Variants in BAZ1A observed in about 807,000 individuals in gnomAD.
BAZ1A encodes bromodomain adjacent to zinc finger domain protein 1A.
BAZ1A carries 50 observed loss-of-function variants against 185.2 expected under a neutral mutation model. The ratio of observed to expected loss-of-function variants is 0.27; its 90% confidence interval spans 0.22 to 0.34. BAZ1A has a LOEUF of 0.34. Ranked by LOEUF, BAZ1A falls within the 10% of genes least tolerant of loss-of-function variation. BAZ1A has a pLI of 1.00. For synonymous variants in BAZ1A, 571 were observed against 615.6 expected (o/e 0.93, Z 1.07); for missense variants, 1,356 against 1,839.9 (o/e 0.74, Z 4.81).
rs1387897875 is a variant in BAZ1A at position 34,875,137 on chromosome 14, C to T, written c.-59+1G>A. The T allele has an allele frequency of 2.5e-6, 1 of 400,050 alleles. No homozygotes were observed. The highest frequency in any genetic ancestry group is 5.1e-6 in the Non-Finnish European group (1 of 197,610). 24.8% of individuals were successfully genotyped at this position (400,050 alleles called of 1,614,324 possible). A position where few individuals can be genotyped will look rare whatever the true frequency, so the allele number is the denominator to read the frequency against. The stretch of plus-strand genomic sequence containing the variant: ...CCGGCCGGCTCCCGAGCGACCCTCA[C>T]CTGCGATCACGCCGACTGCCACTTG... On this transcript the variant is annotated splice_donor_variant, in intron 1 of 26. Transcript: ENST00000360310. LOFTEE classifies it low-confidence loss of function (5UTR_SPLICE).
At position 34,762,211 on chromosome 14, in the gene BAZ1A, T is replaced by C; in HGVS notation, c.3789A>G (p.Arg1263=). 3.7e-6 allele frequency: 6 copies of C among 1,613,968 alleles called. No individual in the cohort carries two copies. The highest frequency in any genetic ancestry group is 5.1e-6 in the Non-Finnish European group (6 of 1,179,934). ...CTGGCAATCTAACTTGTGGTCTTCCTCGTTTGGGTAGGCTATAAATATTGT... is the reference window on the plus strand; with the variant it reads ...CTGGCAATCTAACTTGTGGTCTTCCCCGTTTGGGTAGGCTATAAATATTGT... The part of the protein sequence containing the change: ...QEEEEVSLPK[R]GRPQVRLPVK... Residue 1263 remains arginine (R), a synonymous_variant, in exon 24 of 27, where the codon CGA becomes CGG. Transcript: ENST00000360310.
chr14:34,756,652 G>A (rs768042980), intron 25 of BAZ1A, among the ~76,000 whole-genome samples: 191 of 151,748 alleles, frequency 1.3e-3, no homozygotes, highest in Middle Eastern at 3.4e-3. Flanking sequence ...TTTTAGTAGA[G>A]ATGGGGTTTT....
chr14:34,767,124 A>G (rs1295114552), intron 21 of BAZ1A, among the ~76,000 whole-genome samples: 1 of 152,218 alleles, frequency 6.6e-6, no homozygotes, highest in African/African-American at 2.4e-5. Context: ...ATATTTTTCC[A>G]TCTTTATCTA....
intron 2 of BAZ1A, among the ~76,000 whole-genome samples, chr14:34,863,783 G>A (rs1364872187): frequency 6.6e-6 from 1 of 152,116 alleles, no homozygotes; most frequent in East Asian, 1.9e-4. Context: ...GAGAAAGGAG[G>A]GGAGACTGGG....
rs1028496959 is a variant in BAZ1A, at chr14:34,753,347, T to A, written c.*161A>T. On this transcript the variant is annotated 3_prime_UTR_variant, in exon 27 of 27. Transcript: ENST00000360310. ...ACAAAACTGTAGCAAAGGATATCTTTCCTACATTCTCCTGAGTGCTTAATA... is the reference window on the plus strand; with the variant it reads ...ACAAAACTGTAGCAAAGGATATCTTACCTACATTCTCCTGAGTGCTTAATA... 2 of 679,930 alleles carry A rather than the reference T, an allele frequency of 2.9e-6. No individual in the cohort carries two copies. The highest frequency in any genetic ancestry group is 4.9e-6 in the Non-Finnish European group (2 of 409,490). 42.1% of individuals were successfully genotyped at this position (679,930 alleles called of 1,614,324 possible). A position where few individuals can be genotyped will look rare whatever the true frequency, so the allele number is the denominator to read the frequency against.
At chr14:34,842,173 T>C (rs1388620896) in intron 3 of BAZ1A, among the ~76,000 whole-genome samples, 1 of 152,112 alleles carries the variant, frequency 6.6e-6, no homozygotes, top group African/African-American at 2.4e-5. Flanking sequence ...GTGTGTACTT[T>C]AAAGTACTAA....
In BAZ1A at chr14:34,844,991, C is replaced by T. The variant is rs567254096; in HGVS notation, c.392+17053G>A. On this transcript the variant is annotated intron_variant, in intron 3 of 26. Coordinates refer to ENST00000360310, the MANE Select transcript of BAZ1A (RefSeq NM_013448.3). ...AATACAGCCATATTCATTCATTTAT[C>T]TATTATATATGACTACTTTTGCATT... Among the ~76,000 whole-genome samples the T allele has an allele frequency of 2.6e-5, 4 of 152,136 alleles. 1 individual carries two copies. The highest frequency in any genetic ancestry group is 9.6e-5 in the African/African-American group (4 of 41,532).
chr14:34,771,259 A>C (rs879030265), intron 21 of BAZ1A: 1 of 323,590 alleles, frequency 3.1e-6, no homozygotes, highest in East Asian at 6.1e-5. Flanking sequence ...TCAGCCTCCC[A>C]AAGTGTTGGG....
chr14:34,801,165 A>G lies in BAZ1A; in HGVS notation c.890T>C (p.Leu297Pro), dbSNP rs779558233. 4.4e-5 allele frequency: 71 copies of G among 1,607,410 alleles called. No homozygotes were observed. The highest frequency in any genetic ancestry group is 5.8e-5 in the Non-Finnish European group (68 of 1,178,008). ...AGTAGCTTTGCTCCTATAACTTGCAAGAGTCTGTTTATTAGCAACATTGTC... is the reference window on the plus strand; with the variant it reads ...AGTAGCTTTGCTCCTATAACTTGCAGGAGTCTGTTTATTAGCAACATTGTC... Reference protein sequence around the residue: ...QEDNVANKQTLASYRSKATKE... With the variant: ...QEDNVANKQTPASYRSKATKE... The change falls in exon 8 of 27, where the codon CTT becomes CCT. Residue 297 changes from leucine (L) to proline (P), a missense_variant. Coordinates refer to ENST00000360310, the MANE Select transcript of BAZ1A (RefSeq NM_013448.3).
At position 34,795,749 on chromosome 14, in the gene BAZ1A, C is replaced by T. The variant is rs767097767; in HGVS notation, c.1145G>A (p.Arg382His). Residue 382 changes from arginine to histidine, a missense_variant, in exon 10 of 27, where the codon CGT (arginine) becomes CAT (histidine). By Grantham distance (29) the Arg-to-His change is conservative (BLOSUM62 0). Coordinates refer to ENST00000360310, the MANE Select transcript of BAZ1A (RefSeq NM_013448.3). ...TTCCACATACTTTCGCTTTTCTTCA[C>T]GTAACTTCTCTCTTTCCTAGAAATT... The part of the protein sequence containing the change: ...VEREKEREKL[R>H]EEKRKYVEYL... The T allele has an allele frequency of 2.5e-6, 4 of 1,611,336 alleles. No individual in the cohort carries two copies. Among genetic ancestry groups the T allele is most frequent in the Non-Finnish European group, 3.4e-6 (4 of 1,179,166 alleles).
intron 26 of BAZ1A, among the ~76,000 whole-genome samples, chr14:34,754,135 C>G (rs1183054487): frequency 6.6e-6 from 1 of 150,780 alleles, no homozygotes; most frequent in Admixed American, 6.6e-5. Context: ...ATCTGTAATC[C>G]CAGCTACTCG....
intron 3 of BAZ1A, among the ~76,000 whole-genome samples, chr14:34,846,596 CCATTTT>C (rs1366574352): frequency 6.6e-6 from 1 of 152,144 alleles, no homozygotes; most frequent in African/African-American, 2.4e-5. Flanking sequence ...GAGTCATTTT[CCATTTT>C]CATTTGTTTT....
intron 4 of BAZ1A, among the ~76,000 whole-genome samples, chr14:34,820,125 T>TTTTG (rs2042065109): frequency 1.5e-5 from 2 of 132,508 alleles, no homozygotes; most frequent in African/African-American, 5.8e-5. Context: ...GTTCCTCGTT[T>TTTTG]TTTTTTTTTT....
intron 24 of BAZ1A, among the ~76,000 whole-genome samples, chr14:34,760,265 A>G (rs1287493100): frequency 1.2e-4 from 18 of 152,124 alleles, no homozygotes; most frequent in Non-Finnish European, 8.8e-5. Context: ...TATTTCTCCA[A>G]ACAGCTTGGA....
intron 3 of BAZ1A, among the ~76,000 whole-genome samples, chr14:34,829,418 A>T (rs887302522): frequency 6.6e-6 from 1 of 152,136 alleles, no homozygotes; most frequent in African/African-American, 2.4e-5. Context: ...ATAAAAATAA[A>T]AAAAAAGACC....
In BAZ1A at chr14:34,754,820, T is replaced by C. The variant is rs776681354; in HGVS notation, c.4474+7A>G. 1 of 1,528,902 alleles carries C rather than the reference T, an allele frequency of 6.5e-7. No individual in the cohort carries two copies. 94.7% of individuals were successfully genotyped at this position (1,528,902 alleles called of 1,614,324 possible). On this transcript the variant is annotated splice_region_variant and intron_variant, in intron 26 of 26. Coordinates refer to ENST00000360310, the MANE Select transcript of BAZ1A (RefSeq NM_013448.3). ...ATAAATATCAAAGAAAAACATAAATTACTTACATGCTAATTTATATTCACA... is the reference window on the plus strand; with the variant it reads ...ATAAATATCAAAGAAAAACATAAATCACTTACATGCTAATTTATATTCACA...
In BAZ1A at chr14:34,753,429, G is replaced by A. The variant is rs749622261; in HGVS notation, c.*79C>T. On this transcript the variant is annotated 3_prime_UTR_variant, in exon 27 of 27. Coordinates refer to ENST00000360310, the MANE Select transcript of BAZ1A (RefSeq NM_013448.3). Reference sequence around the variant, plus strand: ...TTCATGTGGTCAATCAATTGTTATTGCTTTATACAGCATGATTTAATGTTC... The same window carrying A: ...TTCATGTGGTCAATCAATTGTTATTACTTTATACAGCATGATTTAATGTTC... 6 of 1,298,392 alleles carry A rather than the reference G, an allele frequency of 4.6e-6. No individual in the cohort carries two copies. In the Admixed American group the frequency reaches 5.9e-5, roughly 13 times the overall value. The allele number at this position is 1,298,392 out of a possible 1,614,324, so 80.4% of individuals were successfully genotyped here.
intron 16 of BAZ1A, among the ~76,000 whole-genome samples, chr14:34,780,716 G>A (rs10162531): frequency 0.012 from 1,823 of 152,292 alleles, 43 homozygotes; most frequent in African/African-American, 0.041. Flanking sequence ...AAAGGAGAAA[G>A]CAGTAATCCA....
rs1350844128 is a variant in BAZ1A at position 34,795,740 on chromosome 14, T to C, written c.1154A>G (p.Lys385Arg). Residue 385 changes from lysine (K) to arginine (R), a missense_variant, in exon 10 of 27, where the codon AAG becomes AGG. Transcript: ENST00000360310. ...TTTTAAGTATTCCACATACTTTCGCTTTTCTTCACGTAACTTCTCTCTTTC... is the reference window on the plus strand; with the variant it reads ...TTTTAAGTATTCCACATACTTTCGCCTTTCTTCACGTAACTTCTCTCTTTC... Reference protein sequence around the residue: ...EKEREKLREEKRKYVEYLKQW... With the variant: ...EKEREKLREERRKYVEYLKQW... 1 of 1,612,756 alleles carries C rather than the reference T, an allele frequency of 6.2e-7. No individual in the cohort carries two copies. The highest frequency in any genetic ancestry group is 8.5e-7 in the Non-Finnish European group (1 of 1,179,760).
Sources: allele counts gnomAD v4.1 joint callset (sites outside exome capture counted in the v4.1 genomes callset), GRCh38; gene constraint gnomAD v4.1.1; transcripts MANE v1.5; gene names NCBI Gene and HGNC (gene_info 2026-07-23, HGNC 2026-07-21).